Variants in ST3GAL3 observed in about 807,000 individuals in gnomAD.
ST3GAL3 encodes the protein CMP-N-acetylneuraminate-beta-1,4-galactoside alpha-2,3-sialyltransferase.
A neutral mutation model predicts 50.1 loss-of-function variants in ST3GAL3; 21 were observed. That is an observed-to-expected ratio of 0.42 (90% CI 0.30 to 0.60). The LOEUF (loss-of-function observed/expected upper bound fraction) is 0.60, where lower values mean the gene tolerates loss of function less well. ST3GAL3 is among the 20% of genes least tolerant of loss of function. The probability of loss-of-function intolerance (pLI) is 0.19; values close to 1 mark genes in which losing one functional copy is unlikely to be tolerated. For missense variants in ST3GAL3, 353 were observed against 489.4 expected (o/e 0.72, Z 2.63); for synonymous variants, 183 against 190.0 (o/e 0.96, Z 0.30).
At chr1:43,874,664 A>G (rs547893926) in intron 5 of ST3GAL3, among the ~76,000 whole-genome samples, 1 of 152,372 alleles carries the variant, frequency 6.6e-6, no homozygotes, top group African/African-American at 2.4e-5. Context: ...GGTCTAGGGC[A>G]CAAAAGTTGG....
At chr1:43,909,880 G>A (rs1348756296) in intron 9 of ST3GAL3, among the ~76,000 whole-genome samples, 1 of 152,166 alleles carries the variant, frequency 6.6e-6, no homozygotes, top group Non-Finnish European at 1.5e-5. Context: ...AACAGAAATA[G>A]GTTTAACCTT....
At chr1:43,909,604 A>C (rs924269132) in intron 9 of ST3GAL3, among the ~76,000 whole-genome samples, 3 of 152,244 alleles carry the variant, frequency 2.0e-5, no homozygotes, top group Non-Finnish European at 4.4e-5. Flanking sequence ...AAATACAACC[A>C]AAGGGAATTT....
At chr1:43,717,797 C>T (rs949503828) in intron 1 of ST3GAL3, among the ~76,000 whole-genome samples, 20 of 151,874 alleles carry the variant, frequency 1.3e-4, no homozygotes, top group South Asian at 4.2e-4. Flanking sequence ...CGTGAGCCAC[C>T]GTGCCTGGCC....
chr1:43,818,073 G>A (rs1176322164), intron 4 of ST3GAL3, among the ~76,000 whole-genome samples: 4 of 151,916 alleles, frequency 2.6e-5, no homozygotes, highest in South Asian at 2.1e-4. Context: ...CATATGTTTT[G>A]GAAAAATTTT....
intron 5 of ST3GAL3, among the ~76,000 whole-genome samples, chr1:43,857,525 TCCTCCTTCCCTCCCTCCCTCC>T (rs2068696053): frequency 1.5e-5 from 2 of 136,486 alleles, no homozygotes; most frequent in Non-Finnish European, 1.6e-5. Context: ...CTTCCTTCCC[TCCTCCTTCCCTCCCTCCCTCC>T]CTTCCTTCCT....
intron 2 of ST3GAL3, among the ~76,000 whole-genome samples, chr1:43,763,247 A>C (rs1002437213): frequency 1.3e-5 from 2 of 152,140 alleles, no homozygotes; most frequent in Admixed American, 1.3e-4. Context: ...ATATGAAAAG[A>C]TTTCTGAAAT....
chr1:43,849,808 A>G (rs2066936848), intron 5 of ST3GAL3, among the ~76,000 whole-genome samples: 2 of 152,232 alleles, frequency 1.3e-5, no homozygotes, highest in Admixed American at 6.5e-5. Context: ...GATTTACAGC[A>G]CACAGCAGAA....
At chr1:43,775,819 C>G (rs1371867027) in intron 2 of ST3GAL3, among the ~76,000 whole-genome samples, 1 of 151,718 alleles carries the variant, frequency 6.6e-6, no homozygotes, top group Non-Finnish European at 1.5e-5. Context: ...TTATTTTCTC[C>G]TCAATATAAT....
intron 9 of ST3GAL3, among the ~76,000 whole-genome samples, chr1:43,907,300 T>A (rs942727087): frequency 6.6e-6 from 1 of 152,212 alleles, no homozygotes; most frequent in African/African-American, 2.4e-5. Context: ...ACAGTCTCAC[T>A]CACTCGACAG....
chr1:43,781,902 C>T (rs892013094), intron 2 of ST3GAL3, among the ~76,000 whole-genome samples: 3 of 152,204 alleles, frequency 2.0e-5, no homozygotes, highest in Non-Finnish European at 4.4e-5. Context: ...CTGCGGTTTG[C>T]CAGTTACCCA....
At chr1:43,808,262 C>T (rs913851124) in intron 3 of ST3GAL3, among the ~76,000 whole-genome samples, 4 of 149,594 alleles carry the variant, frequency 2.7e-5, no homozygotes, top group African/African-American at 9.9e-5. Context: ...TGAGATCACG[C>T]CACTGCACTC....
intron 3 of ST3GAL3, among the ~76,000 whole-genome samples, chr1:43,813,060 A>G (rs1440976031): frequency 6.6e-6 from 1 of 152,188 alleles, no homozygotes; most frequent in Non-Finnish European, 1.5e-5. Flanking sequence ...GAGCCGCTGT[A>G]TAAGAGTATT....
chr1:43,804,463 A>G (rs530360737), intron 3 of ST3GAL3, among the ~76,000 whole-genome samples: 68 of 152,284 alleles, frequency 4.5e-4, no homozygotes, highest in Non-Finnish European at 7.2e-4. Context: ...GCTGGGGCTG[A>G]GAGTAAAGTG....
intron 2 of ST3GAL3, among the ~76,000 whole-genome samples, chr1:43,759,065 G>GCGCGCACACACACACACACACA (rs60386464): frequency 1.3e-5 from 1 of 75,360 alleles, no homozygotes; most frequent in African/African-American, 4.0e-5. Flanking sequence ...AAAAGCGCGC[G>GCGCGCACACACACACACACACA]CACACACACA....
chr1:43,778,245 T>C (rs1698031148), intron 2 of ST3GAL3, among the ~76,000 whole-genome samples: 1 of 152,068 alleles, frequency 6.6e-6, no homozygotes, highest in African/African-American at 2.4e-5. Context: ...CATGGACACA[T>C]GGTGAGAACA....
intron 1 of ST3GAL3, among the ~76,000 whole-genome samples, chr1:43,728,326 C>T (rs1367138012): frequency 2.9e-5 from 4 of 140,018 alleles, no homozygotes; most frequent in Admixed American, 1.4e-4. Context: ...GCAACAAGAG[C>T]GAAACTCCTT....
At chr1:43,896,129 A>C (rs887170869) in intron 6 of ST3GAL3, among the ~76,000 whole-genome samples, 2 of 152,122 alleles carry the variant, frequency 1.3e-5, no homozygotes, top group Admixed American at 6.6e-5. Context: ...TTCTCACTCA[A>C]CTTCTGGAAG....
intron 1 of ST3GAL3, among the ~76,000 whole-genome samples, chr1:43,730,392 A>G (rs1423170520): frequency 6.6e-6 from 1 of 152,054 alleles, no homozygotes; most frequent in East Asian, 1.9e-4. Context: ...GCCCCCTTCT[A>G]AAAGAAAAGA....
chr1:43,861,813 G>A (rs1001164737), intron 5 of ST3GAL3, among the ~76,000 whole-genome samples: 2 of 152,206 alleles, frequency 1.3e-5, no homozygotes, highest in African/African-American at 4.8e-5. Context: ...CGGATCACCT[G>A]AAGTCAGGAG....
Sources: gnomAD v4.1 joint callset for allele counts (sites outside exome capture counted in the v4.1 genomes callset) on GRCh38, gnomAD v4.1.1 for gene constraint, MANE v1.5 for transcripts, NCBI Gene and HGNC (gene_info 2026-07-23, HGNC 2026-07-21) for gene names.